The following SPATA13 variants were observed in gnomAD, a reference collection of about 807,000 sequenced individuals.
The protein encoded by SPATA13 is spermatogenesis-associated protein 13.
In SPATA13, 50 loss-of-function variants were observed where a neutral mutation model predicts 104.0. The observed-to-expected ratio is 0.48, with a 90% CI of 0.38 to 0.61. SPATA13 has a LOEUF of 0.61. SPATA13 is among the 20% of genes least tolerant of loss of function. The pLI is 0.00. For synonymous variants in SPATA13, 606 were observed against 667.5 expected (o/e 0.91, Z 1.42); for missense variants, 1,524 against 1,690.6 (o/e 0.90, Z 1.73).
intron 3 of SPATA13, among the ~76,000 whole-genome samples, chr13:24,110,058 G>A (rs1211545339): frequency 6.7e-6 from 1 of 149,772 alleles, no homozygotes; most frequent in African/African-American, 2.5e-5. Context: ...AGCGGGACAT[G>A]TCATTTTGTT....
At chr13:24,017,160 T>C (rs942989766) in intron 2 of SPATA13, among the ~76,000 whole-genome samples, 2 of 152,174 alleles carry the variant, frequency 1.3e-5, no homozygotes, top group Non-Finnish European at 2.9e-5. Context: ...GAGTTACGAA[T>C]AGAGAACAAA....
intron 1 of SPATA13, among the ~76,000 whole-genome samples, chr13:24,216,983 G>A (rs2138598919): frequency 6.6e-6 from 1 of 152,216 alleles, no homozygotes; most frequent in South Asian, 2.1e-4. Flanking sequence ...TGTGGGAGGC[G>A]AGGTTGCAGT....
intron 1 of SPATA13, among the ~76,000 whole-genome samples, chr13:24,164,420 A>G (rs1882638132): frequency 6.6e-6 from 1 of 152,184 alleles, no homozygotes; most frequent in South Asian, 2.1e-4. Context: ...CCTCCATACC[A>G]GCCTGTCTTG....
At chr13:24,046,380 A>C (rs1270902633) in intron 3 of SPATA13, among the ~76,000 whole-genome samples, 1 of 148,534 alleles carries the variant, frequency 6.7e-6, no homozygotes, top group Non-Finnish European at 1.5e-5. Context: ...GACACCTCTG[A>C]CTCCTGGGGT....
chr13:24,195,936 A>G (rs1248292788), intron 1 of SPATA13, among the ~76,000 whole-genome samples: 1 of 152,222 alleles, frequency 6.6e-6, no homozygotes, highest in Non-Finnish European at 1.5e-5. Context: ...TAGGTACTAT[A>G]ATAATTTATG....
chr13:24,264,619 C>T (rs1347784177), intron 4 of SPATA13, among the ~76,000 whole-genome samples: 14 of 152,204 alleles, frequency 9.2e-5, no homozygotes, highest in Non-Finnish European at 7.3e-5. Context: ...GACCATGTCC[C>T]AATAATTGCC....
intron 4 of SPATA13, among the ~76,000 whole-genome samples, chr13:24,259,115 TG>T (rs1226513626): frequency 5.3e-5 from 8 of 152,186 alleles, no homozygotes; most frequent in Non-Finnish European, 1.0e-4. Context: ...CAAGAACCCC[TG>T]GGGCCCAACA....
intron 9 of SPATA13, among the ~76,000 whole-genome samples, chr13:24,293,820 C>T (rs1199047645): frequency 6.6e-6 from 1 of 152,166 alleles, no homozygotes; most frequent in Admixed American, 6.5e-5. Flanking sequence ...CTGGGGACTT[C>T]ACAGGAGCTG....
chr13:24,079,828 C>T (rs947065438), intron 3 of SPATA13, among the ~76,000 whole-genome samples: 1 of 152,180 alleles, frequency 6.6e-6, no homozygotes, highest in African/African-American at 2.4e-5. Context: ...CATTTCGCCT[C>T]TCACCTTTTG....
intron 3 of SPATA13, among the ~76,000 whole-genome samples, chr13:24,029,013 G>A (rs1294203281): frequency 6.6e-6 from 1 of 151,632 alleles, no homozygotes; most frequent in African/African-American, 2.4e-5. Flanking sequence ...GCTCTCTTTT[G>A]TTTCCTCGTA....
chr13:24,094,692 G>A (rs189363504), intron 3 of SPATA13, among the ~76,000 whole-genome samples: 184 of 152,286 alleles, frequency 1.2e-3, no homozygotes, highest in African/African-American at 4.3e-3. Context: ...CCAGGAGTTT[G>A]AGGTTACAGT....
chr13:24,284,981 G>A (rs543995429), intron 5 of SPATA13, among the ~76,000 whole-genome samples: 6 of 152,256 alleles, frequency 3.9e-5, no homozygotes, highest in Admixed American at 2.0e-4. Flanking sequence ...CAAATCTGGT[G>A]TTCCTTTGGC....
intron 3 of SPATA13, among the ~76,000 whole-genome samples, chr13:24,023,311 A>G (rs1205127028): frequency 6.6e-6 from 1 of 152,206 alleles, no homozygotes; most frequent in Non-Finnish European, 1.5e-5. Context: ...GCAAATACAC[A>G]TGAATCTTCT....
At chr13:24,018,525 A>G (rs1404812597) in intron 3 of SPATA13, among the ~76,000 whole-genome samples, 1 of 152,240 alleles carries the variant, frequency 6.6e-6, no homozygotes, top group African/African-American at 2.4e-5. Flanking sequence ...ACAATACAAA[A>G]TTTAGATAAT....
chr13:24,245,513 G>A (rs1873072524), intron 2 of SPATA13, among the ~76,000 whole-genome samples: 1 of 150,634 alleles, frequency 6.6e-6, no homozygotes, highest in Admixed American at 6.6e-5. Flanking sequence ...GTACCTTTTA[G>A]AGGGAATGTT....
chr13:24,166,791 T>C (rs1882750886), intron 1 of SPATA13, among the ~76,000 whole-genome samples: 1 of 152,210 alleles, frequency 6.6e-6, no homozygotes, highest in South Asian at 2.1e-4. Context: ...GTCTGCCTCA[T>C]AGTATTTGCA....
chr13:24,231,038 C>T (rs1490681104), intron 2 of SPATA13, among the ~76,000 whole-genome samples: 1 of 152,174 alleles, frequency 6.6e-6, no homozygotes, highest in Non-Finnish European at 1.5e-5. Flanking sequence ...TACCACCGTC[C>T]AGCTAAAGAA....
At position 24,297,408 on chromosome 13, in the gene SPATA13, G is replaced by C; in HGVS notation, c.3256G>C (p.Glu1086Gln). 1 of 1,613,902 alleles carries C rather than the reference G, an allele frequency of 6.2e-7. No individual in the cohort carries two copies. Among genetic ancestry groups the C allele is most frequent in the Non-Finnish European group, 8.5e-7 (1 of 1,179,956 alleles). The stretch of plus-strand genomic sequence containing the variant: ...AAGCTCAGAATTGATTCATTCTGGG[G>C]AGCTGACCAAAATCACTAAGCAAGG... Reference protein sequence around the residue: ...DRSSELIHSGELTKITKQGKS... With the variant: ...DRSSELIHSGQLTKITKQGKS... The change falls in exon 11 of 13, where the codon GAG becomes CAG. Residue 1086 changes from glutamate to glutamine, a missense_variant. Around this residue, in one of 2 missense-constraint regions of SPATA13, gnomAD observed 435 missense variants for 554.8 expected, o/e 0.78. Coordinates refer to ENST00000382108, the MANE Select transcript of SPATA13 (RefSeq NM_001166271.3).
chr13:24,080,190 A>G (rs1173416444), intron 3 of SPATA13, among the ~76,000 whole-genome samples: 1 of 152,182 alleles, frequency 6.6e-6, no homozygotes, highest in Non-Finnish European at 1.5e-5. Flanking sequence ...TTTGCCATAA[A>G]AGGATTCTTC....
Sources: gnomAD v4.1 joint callset for allele counts (sites outside exome capture counted in the v4.1 genomes callset) on GRCh38, gnomAD v4.1.1 for gene constraint, gnomAD v4.1.1 regional missense constraint, MANE v1.5 for transcripts, NCBI Gene and HGNC (gene_info 2026-07-23, HGNC 2026-07-21) for gene names.